The following CREBBP variants were observed in gnomAD, a reference collection of about 807,000 sequenced individuals.
CREBBP encodes the protein CREB binding lysine acetyltransferase.
A neutral mutation model predicts 265.0 loss-of-function variants in CREBBP; 19 were observed. That is an observed-to-expected ratio of 0.07 (90% CI 0.05 to 0.11). CREBBP has a LOEUF of 0.11. Among genes scored for constraint, CREBBP ranks in the 10% least tolerant of loss-of-function variants. The probability of loss-of-function intolerance (pLI) is 1.00; values close to 1 mark genes in which losing one functional copy is unlikely to be tolerated. For missense variants in CREBBP, 2,525 were observed against 3,219.0 expected (o/e 0.78, Z 5.22); for synonymous variants, 1,457 against 1,223.7 (o/e 1.19, Z -3.98).
At chr16:3,873,816 C>A (rs1057090053) in intron 1 of CREBBP, among the ~76,000 whole-genome samples, 1 of 152,014 alleles carries the variant, frequency 6.6e-6, no homozygotes. Flanking sequence ...AATAACAGAC[C>A]CAATTAGAAG....
At chr16:3,791,531 A>T (rs1391650649) in intron 5 of CREBBP, among the ~76,000 whole-genome samples, 2 of 152,232 alleles carry the variant, frequency 1.3e-5, no homozygotes, top group African/African-American at 4.8e-5. Context: ...TGACTGACAG[A>T]GCCTTCAAAA....
At chr16:3,844,674 C>A (rs966579638) in intron 2 of CREBBP, among the ~76,000 whole-genome samples, 2 of 152,042 alleles carry the variant, frequency 1.3e-5, no homozygotes, top group African/African-American at 4.8e-5. Flanking sequence ...ATCAATAATG[C>A]AAAAGATGAC....
At chr16:3,837,381 C>G (rs976150520) in intron 2 of CREBBP, among the ~76,000 whole-genome samples, 3 of 152,064 alleles carry the variant, frequency 2.0e-5, no homozygotes, top group African/African-American at 4.8e-5. Flanking sequence ...TTCGGGAGGC[C>G]GAGGCGGGCA....
In CREBBP at chr16:3,739,613, T is replaced by C; in HGVS notation, c.4245A>G (p.Gln1415=). ...VDVCFFGMHV[Q]EYGSDCPPPN... ...GAGGGGGGCAATCAGAGCCGTATTC[T>C]TGGACGTGCATTCCAAAAAAGCAGA... is the stretch of plus-strand genomic sequence containing the variant. Residue 1415 remains glutamine (Q), a synonymous_variant, in exon 25 of 31, where the codon CAA becomes CAG. Coordinates refer to ENST00000262367, the MANE Select transcript of CREBBP (RefSeq NM_004380.3). The C allele has an allele frequency of 6.2e-7, 1 of 1,614,244 alleles. No individual in the cohort carries two copies. The highest frequency in any genetic ancestry group is 8.5e-7 in the Non-Finnish European group (1 of 1,180,048).
chr16:3,790,366 C>CTTTTT (rs57582399), intron 5 of CREBBP, among the ~76,000 whole-genome samples: 42 of 66,584 alleles, frequency 6.3e-4, no homozygotes, highest in Non-Finnish European at 9.0e-4. Context: ...AGGAAACTGG[C>CTTTTT]TTTTTTTTTT....
intron 1 of CREBBP, among the ~76,000 whole-genome samples, chr16:3,875,773 C>T (rs1028097296): frequency 3.3e-5 from 5 of 152,174 alleles, no homozygotes; most frequent in African/African-American, 4.8e-5. Context: ...TAGAAAATAG[C>T]AGTAACAGCA....
intron 3 of CREBBP, among the ~76,000 whole-genome samples, chr16:3,803,397 C>A (rs533191840): frequency 6.6e-6 from 1 of 151,260 alleles, no homozygotes; most frequent in East Asian, 2.0e-4. Flanking sequence ...CCCAACTACT[C>A]GGAAGGCTGA....
chr16:3,821,532 C>G (rs2054141354), intron 2 of CREBBP, among the ~76,000 whole-genome samples: 2 of 152,166 alleles, frequency 1.3e-5, no homozygotes, highest in African/African-American at 4.8e-5. Flanking sequence ...CAAAATGATC[C>G]AAGAAAAGGG....
chr16:3,807,887 G>C (rs2053861105), intron 3 of CREBBP, among the ~76,000 whole-genome samples: 1 of 152,134 alleles, frequency 6.6e-6, no homozygotes, highest in African/African-American at 2.4e-5. Context: ...GCCTCACAAA[G>C]GCACACGTGG....
Position 3,725,580 on chromosome 16 carries a change from G to GCTTC in CREBBP, c.*2134_*2137dup. ...AATCTCCACCGGAGGCCCGGCCTGT[G>GCTTC]CTTCCCCTCCTGGGATGGGGTGAAT... On this transcript the variant is annotated 3_prime_UTR_variant, in exon 31 of 31. Transcript: ENST00000262367. 1 of 233,340 alleles carries GCTTC rather than the reference G, an allele frequency of 4.3e-6. No homozygotes were observed. The highest frequency in any genetic ancestry group is 8.5e-6 in the Non-Finnish European group (1 of 118,064). The allele number at this position is 233,340 out of a possible 1,614,324, so 14.5% of individuals were successfully genotyped here.
intron 5 of CREBBP, among the ~76,000 whole-genome samples, chr16:3,786,944 G>C (rs1351888438): frequency 6.6e-6 from 1 of 152,036 alleles, no homozygotes; most frequent in Non-Finnish European, 1.5e-5. Flanking sequence ...ATGGTGGCAT[G>C]TGCCTGTAAT....
In CREBBP at chr16:3,770,837, G is replaced by A. The variant is rs200323767; in HGVS notation, c.2613C>T (p.His871=). ...STAAGMPSLQ[H]TTPPGMTPPQ... is the part of the protein sequence containing the mutation. ...GAGGAGTCATCCCAGGTGGTGTCGT[G>A]TGCTGGAGAGATGGCATGCCAGCAG... Residue 871 remains histidine (H), a synonymous_variant, in exon 14 of 31, where the codon CAC becomes CAT. Transcript: ENST00000262367. 6.2e-7 allele frequency: 1 copy of A among 1,614,038 alleles called. No individual in the cohort carries two copies. The highest frequency in any genetic ancestry group is 8.5e-7 in the Non-Finnish European group (1 of 1,179,996).
intron 2 of CREBBP, among the ~76,000 whole-genome samples, chr16:3,825,103 T>C (rs2054212588): frequency 6.6e-6 from 1 of 152,190 alleles, no homozygotes; most frequent in South Asian, 2.1e-4. Flanking sequence ...CTACAGTACT[T>C]AAAACAGGCA....
intron 2 of CREBBP, among the ~76,000 whole-genome samples, chr16:3,828,745 A>C (rs1173291877): frequency 6.6e-6 from 1 of 152,242 alleles, no homozygotes; most frequent in Non-Finnish European, 1.5e-5. Context: ...GATTTTAAGT[A>C]AAATTCTACC....
intron 20 of CREBBP, 142 bp downstream of exon 20, chr16:3,751,584 C>G: frequency 1.3e-6 from 1 of 789,508 alleles, no homozygotes. Context: ...GAATGAGAAC[C>G]TGTCTCAAAA....
In CREBBP at chr16:3,727,447, C is replaced by G; in HGVS notation, c.*271G>C. The G allele has an allele frequency of 4.7e-6, 1 of 211,832 alleles. No individual in the cohort carries two copies. Among genetic ancestry groups the G allele is most frequent in the Non-Finnish European group, 8.8e-6 (1 of 113,578 alleles). 13.1% of individuals were successfully genotyped at this position (211,832 alleles called of 1,614,324 possible). A position where few individuals can be genotyped will look rare whatever the true frequency, so the allele number is the denominator to read the frequency against. On this transcript the variant is annotated 3_prime_UTR_variant, in exon 31 of 31. Coordinates refer to ENST00000262367, the MANE Select transcript of CREBBP (RefSeq NM_004380.3). ...GACGACAAAAAGAATCCAAACAAAACCCCCCTCCCCCCAAACAAAAACAAA... is the reference window on the plus strand; with the variant it reads ...GACGACAAAAAGAATCCAAACAAAAGCCCCCTCCCCCCAAACAAAAACAAA...
At chr16:3,735,647 C>T (rs1008067373) in intron 28 of CREBBP, among the ~76,000 whole-genome samples, 4 of 152,112 alleles carry the variant, frequency 2.6e-5, no homozygotes, top group Non-Finnish European at 4.4e-5. Flanking sequence ...TCAGGGGCAG[C>T]GCCAAGGAGA....
In CREBBP at chr16:3,880,265, C is replaced by A; in HGVS notation, c.-349G>T. ...CGGGCCCGGCTGGCAGCGACGGCGC[C>A]CGGCCGGGCGGCTCAGGCAGTCCCC... On this transcript the variant is annotated 5_prime_UTR_variant, in exon 1 of 31. Coordinates refer to ENST00000262367, the MANE Select transcript of CREBBP (RefSeq NM_004380.3). The A allele has an allele frequency of 7.0e-6, 1 of 142,426 alleles. No homozygotes were observed. The highest frequency in any genetic ancestry group is 1.8e-4 in the South Asian group (1 of 5,434). The allele number at this position is 142,426 out of a possible 1,614,324, so 8.8% of individuals were successfully genotyped here.
At chr16:3,854,792 G>C (rs1028671508) in intron 1 of CREBBP, among the ~76,000 whole-genome samples, 18 of 152,334 alleles carry the variant, frequency 1.2e-4, no homozygotes, top group African/African-American at 4.3e-4. Flanking sequence ...GAACAGACCA[G>C]TCCCTCTTGT....
Sources: allele counts gnomAD v4.1 joint callset (sites outside exome capture counted in the v4.1 genomes callset), GRCh38; gene constraint gnomAD v4.1.1; transcripts MANE v1.5; gene names NCBI Gene and HGNC (gene_info 2026-07-23, HGNC 2026-07-21).